The following PFKFB2 variants were observed in gnomAD, a reference collection of about 807,000 sequenced individuals.
PFKFB2 encodes 6-phosphofructo-2-kinase/fructose-2,6-biphosphatase 2.
In PFKFB2, 53 loss-of-function variants were observed where a neutral mutation model predicts 68.0. The ratio of observed to expected loss-of-function variants is 0.78; its 90% CI spans 0.63 to 0.98. The LOEUF (loss-of-function observed/expected upper bound fraction) is 0.98, where lower values mean the gene tolerates loss of function less well. Among genes scored for constraint, PFKFB2 ranks in the 50% least tolerant of loss-of-function variants. The pLI, the probability that PFKFB2 is intolerant of heterozygous loss-of-function variation, is 0.00. For synonymous variants in PFKFB2, 222 were observed against 227.6 expected, an observed-to-expected ratio of 0.98 and a Z score of 0.22; for missense variants, 451 against 642.0, an observed-to-expected ratio of 0.70 and a Z score of 3.22.
chr1:207,049,492 C>T (rs981028229), upstream of PFKFB2: 3 of 1,614,052 alleles, frequency 1.9e-6, no homozygotes, highest in Admixed American at 3.3e-5. Flanking sequence ...GTCTGGATCG[C>T]TTGCTACAAT....
rs1682870717 is a variant in PFKFB2, at chr1:207,054,772, C to T, written c.55C>T (p.Pro19Ser). The change falls in exon 2 of 15, where the codon CCA (proline) becomes TCA (serine). Residue 19 changes from proline to serine, a missense_variant. By Grantham distance (74) the Pro-to-Ser change is moderately conservative. Coordinates refer to ENST00000367080, the MANE Select transcript of PFKFB2 (RefSeq NM_006212.2). Reference protein sequence around the residue: ...QNNNSYETKTPNLRMSEKKCS... With the variant: ...QNNNSYETKTSNLRMSEKKCS... Reference sequence around the variant, plus strand: ...CAACAACAGCTATGAAACCAAAACCCCAAATCTTCGAATGTCAGAGAAGAA... The same window carrying T: ...CAACAACAGCTATGAAACCAAAACCTCAAATCTTCGAATGTCAGAGAAGAA... 1 of 1,613,798 alleles carries T rather than the reference C, an allele frequency of 6.2e-7. No individual in the cohort carries two copies. The highest frequency in any genetic ancestry group is 8.5e-7 in the Non-Finnish European group (1 of 1,179,856).
Position 207,076,387 on chromosome 1 carries a change from T to A in PFKFB2, c.*4016T>A. ...CTGGGTTATGTAATCTTATGCACAT[T>A]CCATTGTCTTTGCCAAGCCCAGAAG... On this transcript the variant is annotated 3_prime_UTR_variant, in exon 15 of 15. Coordinates refer to ENST00000367080, the MANE Select transcript of PFKFB2 (RefSeq NM_006212.2). 1.0e-6 allele frequency: 1 copy of A among 985,336 alleles called. No individual in the cohort carries two copies. The highest frequency in any genetic ancestry group is 4.7e-5 in the South Asian group (1 of 21,288). 61.0% of individuals were successfully genotyped at this position (985,336 alleles called of 1,614,324 possible).
At position 207,073,395 on chromosome 1, in the gene PFKFB2, G is replaced by A; in HGVS notation, c.*1024G>A. 1.0e-6 allele frequency: 1 copy of A among 985,382 alleles called. No individual in the cohort carries two copies. The highest frequency in any genetic ancestry group is 1.2e-6 in the Non-Finnish European group (1 of 829,914). The allele number at this position is 985,382 out of a possible 1,614,324, so 61.0% of individuals were successfully genotyped here. A position where few individuals can be genotyped will look rare whatever the true frequency, so the allele number is the denominator to read the frequency against. ...AGTATCCTCTGGGGCTGTTTAGAAG[G>A]GCAGTTAGATTCAGGAGTCACCACT... On this transcript the variant is annotated 3_prime_UTR_variant, in exon 15 of 15. Coordinates refer to ENST00000367080, the MANE Select transcript of PFKFB2 (RefSeq NM_006212.2).
chr1:207,049,579 G>A, upstream of PFKFB2: 1 of 1,614,188 alleles, frequency 6.2e-7, no homozygotes. Context: ...GTACACACTA[G>A]TAAAGAGGCA....
intron 3 of PFKFB2, 143 bp from the exon 4 acceptor site, chr1:207,062,477 C>A (rs767945371): frequency 7.6e-7 from 1 of 1,314,948 alleles, no homozygotes; most frequent in Non-Finnish European, 1.1e-6. Context: ...TCTTTTGACT[C>A]TTAATCTGAT....
In PFKFB2 at chr1:207,069,495, A is replaced by G. The variant is rs1232593516; in HGVS notation, c.1059A>G (p.Gln353=). ...RYPEEFALRD[Q]EKYLYRYPGG... ...CAGAAGAGTTTGCACTTCGAGATCA[A>G]GAGAAGTATCTGTATCGATATCCTG... is the stretch of plus-strand genomic sequence containing the variant. Residue 353 remains glutamine, a synonymous_variant, in exon 11 of 15, where the codon CAA becomes CAG. Transcript: ENST00000367080. 1.2e-6 allele frequency: 2 copies of G among 1,613,550 alleles called. No homozygotes were observed. Among genetic ancestry groups the G allele is most frequent in the Non-Finnish European group, 1.7e-6 (2 of 1,179,450 alleles).
In PFKFB2 at chr1:207,076,304, G is replaced by A; in HGVS notation, c.*3933G>A. ...GATCTTAATTGACAGAAACTCATTGGTGGTTGGAGTGGCCAATGGGCACGG... is the reference window on the plus strand; with the variant it reads ...GATCTTAATTGACAGAAACTCATTGATGGTTGGAGTGGCCAATGGGCACGG... On this transcript the variant is annotated 3_prime_UTR_variant, in exon 15 of 15. Transcript: ENST00000367080. 1.0e-6 allele frequency: 1 copy of A among 980,784 alleles called. No individual in the cohort carries two copies. The highest frequency in any genetic ancestry group is 1.2e-6 in the Non-Finnish European group (1 of 827,770). The allele number at this position is 980,784 out of a possible 1,614,324, so 60.8% of individuals were successfully genotyped here.
chr1:207,056,036 T>C (rs1682912047), intron 2 of PFKFB2, among the ~76,000 whole-genome samples: 1 of 152,216 alleles, frequency 6.6e-6, no homozygotes, highest in African/African-American at 2.4e-5. Flanking sequence ...GGTTTATGAC[T>C]TCTTAGCTCT....
chr1:207,062,461 C>A, intron 3 of PFKFB2, 159 bp from the exon 4 acceptor site: 1 of 1,170,264 alleles, frequency 8.5e-7, no homozygotes, highest in Non-Finnish European at 1.2e-6. Flanking sequence ...AGGGCTTGAA[C>A]CCAACTCTTT....
upstream of PFKFB2, chr1:207,049,618 G>C: frequency 6.2e-7 from 1 of 1,614,186 alleles, no homozygotes; most frequent in Non-Finnish European, 8.5e-7. Flanking sequence ...CACGGTTCTG[G>C]TAAGCACAGG....
At chr1:207,062,526 C>T (rs1030461623) in intron 3 of PFKFB2, 94 bp from the exon 4 acceptor site, 6 of 1,547,584 alleles carry the variant, frequency 3.9e-6, no homozygotes, top group African/African-American at 1.4e-5. Flanking sequence ...TTTTTCATCC[C>T]CTTGGTCACT....
In PFKFB2 at chr1:207,063,243, C is replaced by A. The variant is rs763886252; in HGVS notation, c.375+34C>A. 1 of 1,603,300 alleles carries A rather than the reference C, an allele frequency of 6.2e-7. No homozygotes were observed. Among genetic ancestry groups the A allele is most frequent in the East Asian group, 2.2e-5 (1 of 44,830 alleles). ...TATCTGCTGCTTCTTCTTTCTGGTC[C>A]CCACCCTTGCAGCAGCCTGGCTACC... is the stretch of plus-strand genomic sequence containing the variant. On this transcript the variant is annotated intron_variant, in intron 5 of 14. Coordinates refer to ENST00000367080, the MANE Select transcript of PFKFB2 (RefSeq NM_006212.2). The surrounding 1 kb of genome is among the most constrained non-coding windows in gnomAD (Gnocchi z 4.1).
chr1:207,070,375 C>T lies in PFKFB2; in HGVS notation c.1188C>T (p.Arg396=). 6.2e-7 allele frequency: 1 copy of T among 1,614,004 alleles called. No homozygotes were observed. The highest frequency in any genetic ancestry group is 8.5e-7 in the Non-Finnish European group (1 of 1,180,002). The part of the protein sequence containing the change: ...VLVISHQAVM[R]CLLAYFLDKG... Reference sequence around the variant, plus strand: ...TCATCTCCCACCAGGCTGTCATGCGCTGCCTCCTGGCCTACTTCTTGGATA... The same window carrying T: ...TCATCTCCCACCAGGCTGTCATGCGTTGCCTCCTGGCCTACTTCTTGGATA... Residue 396 remains arginine, a synonymous_variant, in exon 12 of 15, where the codon CGC becomes CGT. Coordinates refer to ENST00000367080, the MANE Select transcript of PFKFB2 (RefSeq NM_006212.2). This position sits in a 1 kb window ranked among gnomAD's most constrained non-coding sequence, Gnocchi z 4.2.
downstream of PFKFB2, among the ~76,000 whole-genome samples, chr1:207,078,568 A>G (rs1263543503): frequency 6.6e-6 from 1 of 152,234 alleles, no homozygotes; most frequent in Admixed American, 6.5e-5. Context: ...GACCCTCCTC[A>G]GAAGCCAAGT....
chr1:207,058,784 C>T (rs754347544), intron 2 of PFKFB2, among the ~76,000 whole-genome samples: 10 of 152,144 alleles, frequency 6.6e-5, no homozygotes, highest in South Asian at 2.1e-4. Context: ...TAAGCCACTG[C>T]GCCCAGCCTC....
intron 2 of PFKFB2, among the ~76,000 whole-genome samples, chr1:207,055,641 T>TTATATATATATA (rs34590725): frequency 5.4e-5 from 8 of 147,586 alleles, no homozygotes; most frequent in African/African-American, 1.7e-4. Context: ...ACTTCAGTGG[T>TTATATATATATA]TATATATATA....
At chr1:207,069,321 G>A (rs752969351) in intron 10 of PFKFB2, 103 bp from the exon 11 acceptor site, 7 of 776,984 alleles carry the variant, frequency 9.0e-6, no homozygotes, top group Admixed American at 2.0e-5. Flanking sequence ...TGCCTGGCAC[G>A]TACTAAGAAA....
rs1683186024 is a variant in PFKFB2, at chr1:207,063,668, A to G, written c.451-105A>G. ...GACTTGAGGGCCACTTTCATGAAGA[A>G]AATCCTGGGAGATGTGGTGGCTGGG... On this transcript the variant is annotated intron_variant, in intron 6 of 14. Coordinates refer to ENST00000367080, the MANE Select transcript of PFKFB2 (RefSeq NM_006212.2). The surrounding 1 kb of genome is among the most constrained non-coding windows in gnomAD (Gnocchi z 4.1). 8 of 985,466 alleles carry G rather than the reference A, an allele frequency of 8.1e-6. No homozygotes were observed. The highest frequency in any genetic ancestry group is 1.3e-5 in the Non-Finnish European group (8 of 611,192). The allele number at this position is 985,466 out of a possible 1,614,324, so 61.0% of individuals were successfully genotyped here.
chr1:207,047,141 C>T (rs1682619216), intron 2 of PFKFB2: 3 of 152,350 alleles, frequency 2.0e-5, no homozygotes. Context: ...ATTTTCAATC[C>T]CATTAATTTG....
Sources: allele counts gnomAD v4.1 joint callset (sites outside exome capture counted in the v4.1 genomes callset), GRCh38; gene constraint gnomAD v4.1.1; non-coding constraint Gnocchi (gnomAD v3.1); transcripts MANE v1.5; gene names NCBI Gene and HGNC (gene_info 2026-07-23, HGNC 2026-07-21).